GLIS3: variants seen among roughly 807,000 people sequenced by gnomAD.
The protein encoded by GLIS3 is zinc finger protein GLIS3.
Under a neutral mutation model 78.6 loss-of-function variants are expected in GLIS3, and 53 were observed. That is an observed-to-expected ratio of 0.67 (90% CI 0.54 to 0.85). The LOEUF is 0.85. GLIS3 is among the 40% of genes least tolerant of loss of function. GLIS3 has a pLI of 0.00. For missense variants in GLIS3, 1,703 were observed against 1,231.1 expected (o/e 1.38, Z -5.74); for synonymous variants, 684 against 509.9 (o/e 1.34, Z -4.60).
intron 2 of GLIS3, among the ~76,000 whole-genome samples, chr9:4,206,486 G>A (rs964011164): frequency 5.3e-5 from 8 of 152,186 alleles, no homozygotes; most frequent in African/African-American, 9.7e-5. Flanking sequence ...AAATAGAGGC[G>A]TAGCTTTATG....
rs555257556 is a variant in GLIS3 at position 4,162,272 on chromosome 9, C to T, written c.389-36331G>A. ...AGATCCCACTCTAATCCGGTATGAC[C>T]TCATTTTTTTAACTTGATTACATCT... On this transcript the variant is annotated intron_variant, in intron 2 of 10. Coordinates refer to ENST00000381971, the MANE Select transcript of GLIS3 (RefSeq NM_001042413.2). Among the ~76,000 whole-genome samples the T allele has an allele frequency of 5.3e-5, 8 of 152,188 alleles. No homozygotes were observed. In the South Asian group the frequency reaches 1.7e-3, roughly 32 times the overall value.
rs398046406 is a variant in GLIS3 at position 4,066,039 on chromosome 9, T to TAAAA, written c.1710+51725_1710+51728dup. ...TCTCATTAAAATGACCCAAAGAATATAAAAAAAAAAAAAAAGAAACAGGCG... is the reference window on the plus strand; with the variant it reads ...TCTCATTAAAATGACCCAAAGAATATAAAAAAAAAAAAAAAAAAAGAAACAGGCG... On this transcript the variant is annotated intron_variant, in intron 4 of 10. Transcript: ENST00000381971. Among the ~76,000 whole-genome samples the TAAAA allele has an allele frequency of 1.3e-3, 172 of 133,336 alleles. 1 individual carries two copies. Among genetic ancestry groups the TAAAA allele is most frequent in the South Asian group, 8.9e-3 (38 of 4,266 alleles). 87.5% of individuals were successfully genotyped at this position (133,336 alleles called of 152,430 possible).
At chr9:4,409,106 G>C in the GLIS3 span, among the ~76,000 whole-genome samples, 2 of 152,136 alleles carry the variant, frequency 1.3e-5, no homozygotes, top group African/African-American at 4.8e-5. Context: ...AACCAGTCTT[G>C]TATGGGAAAT....
chr9:4,177,399 C>A (rs912030491), intron 2 of GLIS3, among the ~76,000 whole-genome samples: 1 of 152,160 alleles, frequency 6.6e-6, no homozygotes, highest in Non-Finnish European at 1.5e-5. Flanking sequence ...GGGCTAATCA[C>A]TTTTAGATCA....
At chr9:4,093,081 G>C (rs1829660019) in intron 4 of GLIS3, among the ~76,000 whole-genome samples, 1 of 152,112 alleles carries the variant, frequency 6.6e-6, no homozygotes, top group African/African-American at 2.4e-5. Context: ...CCAACATGTT[G>C]TTATGTGGCA....
intron 4 of GLIS3, among the ~76,000 whole-genome samples, chr9:4,085,833 C>A (rs533991635): frequency 6.6e-6 from 1 of 152,156 alleles, no homozygotes; most frequent in Non-Finnish European, 1.5e-5. Context: ...CTTCCCCTTC[C>A]GCCATGAGTA....
At chr9:4,112,521 C>T (rs1421463629) in intron 4 of GLIS3, among the ~76,000 whole-genome samples, 1 of 152,164 alleles carries the variant, frequency 6.6e-6, no homozygotes, top group East Asian at 1.9e-4. Flanking sequence ...TTGGAAGCTG[C>T]ATCCCAGGCC....
At position 4,037,577 on chromosome 9, in the gene GLIS3, CACACACAG is replaced by C. The variant is rs1172433228; in HGVS notation, c.1710+80183_1710+80190del. Among the ~76,000 whole-genome samples the C allele has an allele frequency of 1.3e-3, 202 of 150,892 alleles. No individual in the cohort carries two copies. The Middle Eastern group carries it at 0.017, about 13-fold the overall frequency. ...ACACACACACACACACACACACACACACACACAGAGACAATAAATCCTGGGGGAACTTT... is the reference window on the plus strand; with the variant it reads ...ACACACACACACACACACACACACACAGACAATAAATCCTGGGGGAACTTT... On this transcript the variant is annotated intron_variant, in intron 4 of 10. Transcript: ENST00000381971.
chr9:4,478,010 C>A, the GLIS3 span, among the ~76,000 whole-genome samples: 3 of 152,264 alleles, frequency 2.0e-5, no homozygotes, highest in African/African-American at 7.2e-5. Flanking sequence ...GCCACGATTA[C>A]CAAGACTGTA....
At chr9:4,099,510 C>T (rs487732) in intron 4 of GLIS3, among the ~76,000 whole-genome samples, 105,217 of 152,044 alleles carry the variant, frequency 0.69, 36,940 homozygotes, top group African/African-American at 0.81. Flanking sequence ...ACCAGTTGCA[C>T]TGAACCAGGG....
intron 9 of GLIS3, among the ~76,000 whole-genome samples, chr9:3,829,916 C>G (rs1817949613): frequency 6.6e-6 from 1 of 152,154 alleles, no homozygotes; most frequent in Non-Finnish European, 1.5e-5. Flanking sequence ...GCAGAATGCT[C>G]TTAAAAAGGC....
chr9:4,000,027 G>C lies in GLIS3; in HGVS notation c.1711-62838C>G, dbSNP rs372883190. Among the ~76,000 whole-genome samples the C allele has an allele frequency of 2.2e-4, 33 of 152,166 alleles. No homozygotes were observed. The South Asian group carries it at 6.6e-3, about 31-fold the overall frequency. ...CATATGCTTCCAGTAAACAAGTATA[G>C]AAGTGATCAGAACAATGTTACTCAG... On this transcript the variant is annotated intron_variant, in intron 4 of 10. Coordinates refer to ENST00000381971, the MANE Select transcript of GLIS3 (RefSeq NM_001042413.2).
chr9:4,220,811 T>A (rs1489095722), intron 2 of GLIS3, among the ~76,000 whole-genome samples: 1 of 151,842 alleles, frequency 6.6e-6, no homozygotes, highest in African/African-American at 2.4e-5. Context: ...TAAAGAGACA[T>A]GACAGCAACA....
intron 9 of GLIS3, among the ~76,000 whole-genome samples, chr9:3,843,200 C>T (rs1446172983): frequency 6.6e-6 from 1 of 152,190 alleles, no homozygotes; most frequent in Non-Finnish European, 1.5e-5. Flanking sequence ...GCTTTACTAA[C>T]TAGGTGATTT....
intron 2 of GLIS3, among the ~76,000 whole-genome samples, chr9:4,229,638 T>G (rs900237321): frequency 6.6e-6 from 1 of 152,246 alleles, no homozygotes; most frequent in Non-Finnish European, 1.5e-5. Context: ...CCAGTTTTAT[T>G]AACATTTGCT....
chr9:3,912,252 A>G (rs1824205142), intron 6 of GLIS3, among the ~76,000 whole-genome samples: 1 of 152,144 alleles, frequency 6.6e-6, no homozygotes, highest in African/African-American at 2.4e-5. Context: ...CTTTCTTAGT[A>G]ACTCACTGGG....
At chr9:4,335,894 G>C (rs1419017409) in intron 2 of GLIS3, among the ~76,000 whole-genome samples, 1 of 152,162 alleles carries the variant, frequency 6.6e-6, no homozygotes, top group Non-Finnish European at 1.5e-5. Flanking sequence ...AAGAAATTCA[G>C]TTAGTTAATA....
At chr9:4,290,196 T>C (rs574787986) in intron 1 of GLIS3, among the ~76,000 whole-genome samples, 13 of 152,264 alleles carry the variant, frequency 8.5e-5, no homozygotes, top group African/African-American at 3.1e-4. Context: ...AATTATTAAT[T>C]TTCATACATC....
the GLIS3 span, among the ~76,000 whole-genome samples, chr9:4,451,265 A>G: frequency 6.6e-6 from 1 of 152,226 alleles, no homozygotes; most frequent in Non-Finnish European, 1.5e-5. Context: ...CCACTACATG[A>G]TGGTAAAGGG....
Sources: allele counts gnomAD v4.1 joint callset (sites outside exome capture counted in the v4.1 genomes callset), GRCh38; gene constraint gnomAD v4.1.1; transcripts MANE v1.5; gene names NCBI Gene and HGNC (gene_info 2026-07-23, HGNC 2026-07-21).